XXYLT1: variants seen among roughly 807,000 people sequenced by gnomAD.
XXYLT1 encodes the protein UDP-xylose:alpha-xyloside alpha-1,3-xylosyltransferase.
In XXYLT1, 20 loss-of-function variants were observed where a neutral mutation model predicts 28.9. That is an observed-to-expected ratio of 0.69 (90% confidence interval 0.49 to 1.00). XXYLT1 has a LOEUF of 1.00. XXYLT1 is among the 50% of genes least tolerant of loss of function. The pLI is 0.00. For synonymous variants in XXYLT1, 257 were observed against 253.8 expected (o/e 1.01, Z -0.12); for missense variants, 542 against 560.1 (o/e 0.97, Z 0.33).
At position 195,069,368 on chromosome 3, in the gene XXYLT1, A is replaced by T; in HGVS notation, c.*347T>A. ...AAATTAAATTTATATTGGTCCAAAA[A>T]AGGCCGGGTCTAAAGGATTTCCATT... On this transcript the variant is annotated 3_prime_UTR_variant, in exon 4 of 4. Coordinates refer to ENST00000310380, the MANE Select transcript of XXYLT1 (RefSeq NM_152531.5). 1 of 258,692 alleles carries T rather than the reference A, an allele frequency of 3.9e-6. No individual in the cohort carries two copies. The highest frequency in any genetic ancestry group is 7.4e-6 in the Non-Finnish European group (1 of 135,352). 16.0% of individuals were successfully genotyped at this position (258,692 alleles called of 1,614,324 possible).
chr3:195,069,585 T>A lies in XXYLT1; in HGVS notation c.*130A>T, dbSNP rs1714675794. 2.2e-6 allele frequency: 3 copies of A among 1,368,664 alleles called. No homozygotes were observed. The highest frequency in any genetic ancestry group is 3.0e-6 in the Non-Finnish European group (3 of 1,015,094). The allele number at this position is 1,368,664 out of a possible 1,614,324, so 84.8% of individuals were successfully genotyped here. A position where few individuals can be genotyped will look rare whatever the true frequency, so the allele number is the denominator to read the frequency against. ...ACAGTGACCTGCCCGGCAGGAGGTC[T>A]CAGCACCTTAATCACAGGACTTCCC... On this transcript the variant is annotated 3_prime_UTR_variant, in exon 4 of 4. Coordinates refer to ENST00000310380, the MANE Select transcript of XXYLT1 (RefSeq NM_152531.5).
At chr3:195,219,350 C>G (rs1402767229) in intron 2 of XXYLT1, among the ~76,000 whole-genome samples, 1 of 152,134 alleles carries the variant, frequency 6.6e-6, no homozygotes, top group African/African-American at 2.4e-5. Flanking sequence ...AAGTACAGAA[C>G]AAATAAATGA....
chr3:195,100,758 C>T (rs1302382994), intron 3 of XXYLT1, among the ~76,000 whole-genome samples: 2 of 152,216 alleles, frequency 1.3e-5, no homozygotes, highest in African/African-American at 4.8e-5. Context: ...TCCCTCCTCG[C>T]CCCCAAGCCT....
Position 195,252,717 on chromosome 3 carries a change from C to CAGAG in XXYLT1, c.504+17837_504+17838insCTCT, listed in dbSNP as rs1309512804. ...CCACACACACACACACACACACACACACACACACACAGAGAGAGAGAGAGA... is the reference window on the plus strand; with the variant it reads ...CCACACACACACACACACACACACACAGAGACACACACACAGAGAGAGAGAGAGA... On this transcript the variant is annotated intron_variant, in intron 1 of 3. Transcript: ENST00000310380. Among the ~76,000 whole-genome samples, 126 of 139,540 alleles carry CAGAG rather than the reference C, an allele frequency of 9.0e-4. 1 individual carries two copies. Among genetic ancestry groups the CAGAG allele is most frequent in the African/African-American group, 3.5e-3 (114 of 32,324 alleles). The allele number at this position is 139,540 out of a possible 152,430, so 91.5% of individuals were successfully genotyped here.
intron 1 of XXYLT1, among the ~76,000 whole-genome samples, chr3:195,239,935 C>T (rs1724707131): frequency 6.6e-6 from 1 of 152,114 alleles, no homozygotes; most frequent in South Asian, 2.1e-4. Flanking sequence ...GGTTCTTCAC[C>T]GGCCTATAAT....
intron 1 of XXYLT1, among the ~76,000 whole-genome samples, chr3:195,236,987 TTACTC>T (rs1172661247): frequency 2.0e-5 from 3 of 152,136 alleles, no homozygotes; most frequent in Non-Finnish European, 4.4e-5. Flanking sequence ...AAAGTCCTCT[TTACTC>T]TCCTCTCCTC....
chr3:195,175,818 C>A (rs1183111258), intron 2 of XXYLT1: 1 of 1,423,672 alleles, frequency 7.0e-7, no homozygotes, highest in Non-Finnish European at 9.2e-7. Flanking sequence ...TGGAAGTGGC[C>A]TCGATTCCCG....
At chr3:195,088,410 C>T (rs895398248) in intron 3 of XXYLT1, among the ~76,000 whole-genome samples, 1 of 145,086 alleles carries the variant, frequency 6.9e-6, no homozygotes, top group African/African-American at 2.5e-5. Flanking sequence ...GGGAGGCACC[C>T]CCCAGCGGGG....
At chr3:195,254,210 C>T (rs1725388975) in intron 1 of XXYLT1, among the ~76,000 whole-genome samples, 1 of 152,246 alleles carries the variant, frequency 6.6e-6, no homozygotes, top group South Asian at 2.1e-4. Context: ...AGCCCCAGGG[C>T]CTGGGACCAA....
intron 3 of XXYLT1, among the ~76,000 whole-genome samples, chr3:195,081,452 C>T (rs1015949467): frequency 9.2e-5 from 14 of 152,226 alleles, no homozygotes; most frequent in South Asian, 4.2e-4. Context: ...GGCCCAGCTC[C>T]GCCACCTTCC....
chr3:195,115,811 G>T lies in XXYLT1; in HGVS notation c.785+40638C>A, dbSNP rs1718014868. 6.6e-6 allele frequency among the ~76,000 whole-genome samples: 1 copy of T among 152,172 alleles called. No homozygotes were observed. Among genetic ancestry groups the T allele is most frequent in the South Asian group, 2.1e-4 (1 of 4,836 alleles). On this transcript the variant is annotated intron_variant, in intron 3 of 3. Coordinates refer to ENST00000310380, the MANE Select transcript of XXYLT1 (RefSeq NM_152531.5). This position sits in a 1 kb window ranked among gnomAD's most constrained non-coding sequence, Gnocchi z 4.2. ...TCTAGAGAGTAACTAACAGTGCTTTGTCAGAGGGCGAGAGGGTCTGATGGG... is the reference window on the plus strand; with the variant it reads ...TCTAGAGAGTAACTAACAGTGCTTTTTCAGAGGGCGAGAGGGTCTGATGGG...
intron 1 of XXYLT1, among the ~76,000 whole-genome samples, chr3:195,235,767 T>C (rs1294808277): frequency 6.6e-6 from 1 of 152,214 alleles, no homozygotes; most frequent in Non-Finnish European, 1.5e-5. Flanking sequence ...AATGCCGTGG[T>C]TCTTGCAGAT....
chr3:195,213,263 CTTTTTTT>C (rs924778735), intron 2 of XXYLT1, among the ~76,000 whole-genome samples: 2 of 129,044 alleles, frequency 1.5e-5, no homozygotes, highest in South Asian at 4.8e-4. Context: ...TTCTTTCTTT[CTTTTTTT>C]TTTTTTTTTT....
rs901199114 is a variant in XXYLT1, at chr3:195,270,873, A to G, written c.186T>C (p.Ala62=). ...TKRLKEARAG[A]PAAPSPPALE... ...GCGCGGGCGGCGAGGGCGCGGCGGG[A>G]GCCCCGGCGCGGGCCTCCTTCAGCC... The change falls in exon 1 of 4, where the codon GCT becomes GCC. Residue 62 remains alanine (A), a synonymous_variant. Coordinates refer to ENST00000310380, the MANE Select transcript of XXYLT1 (RefSeq NM_152531.5). 2 of 1,393,040 alleles carry G rather than the reference A, an allele frequency of 1.4e-6. No individual in the cohort carries two copies. Among genetic ancestry groups the G allele is most frequent in the Non-Finnish European group, 1.9e-6 (2 of 1,077,534 alleles). 86.3% of individuals were successfully genotyped at this position (1,393,040 alleles called of 1,614,324 possible).
intron 3 of XXYLT1, among the ~76,000 whole-genome samples, chr3:195,098,856 G>A (rs538284234): frequency 6.6e-6 from 1 of 152,298 alleles, no homozygotes; most frequent in East Asian, 1.9e-4. Flanking sequence ...GGGCCTCCTG[G>A]CCTGCAGCCT....
chr3:195,106,572 T>G (rs1717103466), intron 3 of XXYLT1, among the ~76,000 whole-genome samples: 1 of 152,086 alleles, frequency 6.6e-6, no homozygotes, highest in Non-Finnish European at 1.5e-5. Flanking sequence ...CGCGTGCAGA[T>G]CCGGCCGCGA....
chr3:195,148,466 G>A (rs1263638921), intron 3 of XXYLT1, among the ~76,000 whole-genome samples: 1 of 151,744 alleles, frequency 6.6e-6, no homozygotes, highest in Non-Finnish European at 1.5e-5. Context: ...TTAAACACGA[G>A]AACAAGGTTC....
chr3:195,074,985 C>T (rs1715032638), intron 3 of XXYLT1, among the ~76,000 whole-genome samples: 1 of 152,188 alleles, frequency 6.6e-6, no homozygotes, highest in Non-Finnish European at 1.5e-5. Context: ...GGAGCGGTGG[C>T]TCGCACCTGT....
intron 3 of XXYLT1, among the ~76,000 whole-genome samples, chr3:195,112,669 G>T (rs1560102922): frequency 3.4e-5 from 5 of 148,608 alleles, no homozygotes; most frequent in African/African-American, 1.2e-4. Context: ...CCCGGGTGGT[G>T]GGAATAGTTG....
Sources: allele counts gnomAD v4.1 joint callset (sites outside exome capture counted in the v4.1 genomes callset), GRCh38; gene constraint gnomAD v4.1.1; non-coding constraint Gnocchi (gnomAD v3.1); transcripts MANE v1.5; gene names NCBI Gene and HGNC (gene_info 2026-07-23, HGNC 2026-07-21).